Variants in CNTLN observed in about 807,000 individuals in gnomAD.
CNTLN encodes the protein centlein, centrosomal protein.
Under a neutral mutation model 180.0 loss-of-function variants are expected in CNTLN, and 212 were observed. The ratio of observed to expected loss-of-function variants is 1.18; its 90% confidence interval spans 1.05 to 1.32. CNTLN has a LOEUF of 1.32. CNTLN is among the 40% of genes most tolerant of loss of function. The pLI, the probability that CNTLN is intolerant of heterozygous loss-of-function variation, is 0.00. For synonymous variants in CNTLN, 722 were observed against 563.1 expected (o/e 1.28, Z -3.99); for missense variants, 2,095 against 1,610.9 (o/e 1.30, Z -5.14).
At chr9:17,235,527 TGTG>T (rs1825088540) in intron 3 of CNTLN, 128 bp from the exon 4 acceptor site, 16 of 694,640 alleles carry the variant, frequency 2.3e-5, no homozygotes, top group Non-Finnish European at 3.7e-5. Context: ...AGATGAGAAT[TGTG>T]GTGACAGACA....
At chr9:17,148,915 AC>A (rs1401242783) in intron 2 of CNTLN, among the ~76,000 whole-genome samples, 1 of 152,108 alleles carries the variant, frequency 6.6e-6, no homozygotes, top group Non-Finnish European at 1.5e-5. Context: ...GGTTTGCTGC[AC>A]CCATCAACCT....
At chr9:17,423,793 C>T (rs1828893623) in intron 18 of CNTLN, among the ~76,000 whole-genome samples, 1 of 152,080 alleles carries the variant, frequency 6.6e-6, no homozygotes, top group Non-Finnish European at 1.5e-5. Flanking sequence ...AGAATTCCGC[C>T]TTGTGTTGTG....
chr9:17,388,987 A>AT (rs1825897176), intron 14 of CNTLN, among the ~76,000 whole-genome samples: 2 of 151,970 alleles, frequency 1.3e-5, no homozygotes, highest in Admixed American at 1.3e-4. Context: ...TGTGATTGTC[A>AT]TTTGGCTACA....
the CNTLN span, among the ~76,000 whole-genome samples, chr9:17,522,447 G>A: frequency 2.0e-5 from 3 of 152,122 alleles, no homozygotes; most frequent in Non-Finnish European, 4.4e-5. Context: ...TTACTGCTAT[G>A]CCATCCTGAC....
chr9:17,266,540 G>T (rs1160070385), intron 5 of CNTLN, among the ~76,000 whole-genome samples: 4 of 152,240 alleles, frequency 2.6e-5, no homozygotes, highest in African/African-American at 9.6e-5. Flanking sequence ...GAGTTCTGTA[G>T]ATGTCTATTA....
At chr9:17,137,554 A>G (rs1192942490) in intron 1 of CNTLN, among the ~76,000 whole-genome samples, 1 of 152,198 alleles carries the variant, frequency 6.6e-6, no homozygotes, top group African/African-American at 2.4e-5. Flanking sequence ...GAAAGAATAC[A>G]TGCCCTAATA....
chr9:17,138,008 G>C (rs1238174062), intron 1 of CNTLN, among the ~76,000 whole-genome samples: 1 of 152,118 alleles, frequency 6.6e-6, no homozygotes, highest in African/African-American at 2.4e-5. Context: ...ATCTGTATTG[G>C]ACTTACTGAG....
intron 2 of CNTLN, among the ~76,000 whole-genome samples, chr9:17,197,664 A>G (rs1288944988): frequency 6.6e-6 from 1 of 152,126 alleles, no homozygotes; most frequent in Non-Finnish European, 1.5e-5. Flanking sequence ...GTTTGCAGAT[A>G]TTGTCTCCTA....
intron 12 of CNTLN, among the ~76,000 whole-genome samples, chr9:17,343,068 TG>T (rs1339107154): frequency 6.6e-6 from 1 of 152,244 alleles, no homozygotes; most frequent in Non-Finnish European, 1.5e-5. Context: ...GGCTTACTGC[TG>T]ATTTTTCCAC....
chr9:17,418,522 G>A (rs1032544169), intron 18 of CNTLN, among the ~76,000 whole-genome samples: 3 of 151,964 alleles, frequency 2.0e-5, no homozygotes, highest in African/African-American at 7.2e-5. Context: ...GAGGATTTGG[G>A]TAGTATCTGT....
chr9:17,272,918 CCT>C (rs1156277287), intron 5 of CNTLN, among the ~76,000 whole-genome samples: 2 of 151,992 alleles, frequency 1.3e-5, no homozygotes, highest in African/African-American at 2.4e-5. Flanking sequence ...TATTTTCTCC[CCT>C]CTGTCTTCCT....
At chr9:17,516,361 G>A in the CNTLN span, among the ~76,000 whole-genome samples, 3 of 152,122 alleles carry the variant, frequency 2.0e-5, no homozygotes, top group Non-Finnish European at 4.4e-5. Context: ...TGTGGCTGAC[G>A]CTCCTGTAAC....
intron 21 of CNTLN, 145 bp from the exon 22 acceptor site, chr9:17,465,836 G>C (rs776266388): frequency 1.5e-4 from 95 of 623,606 alleles, no homozygotes; most frequent in Non-Finnish European, 2.4e-4. Flanking sequence ...TATGAGTTCT[G>C]TAAGTATAAT....
the CNTLN span, among the ~76,000 whole-genome samples, chr9:17,518,036 C>CTTTTTTTTTTTTTTTTTTTTTTTTT: frequency 1.4e-5 from 1 of 69,232 alleles, no homozygotes; most frequent in Non-Finnish European, 2.4e-5. Context: ...TTTTCTTTTC[C>CTTTTTTTTTTTTTTTTTTTTTTTTT]TTTTTTTTTT....
intron 2 of CNTLN, among the ~76,000 whole-genome samples, chr9:17,146,189 A>G (rs1257332906): frequency 6.6e-6 from 1 of 152,112 alleles, no homozygotes; most frequent in Admixed American, 6.5e-5. Context: ...TTTTCTTTTC[A>G]TTGATAAAAT....
chr9:17,213,794 C>A (rs1226350238), intron 2 of CNTLN, among the ~76,000 whole-genome samples: 3 of 152,046 alleles, frequency 2.0e-5, no homozygotes, highest in Admixed American at 2.0e-4. Context: ...TGAATTGATC[C>A]CTTTACCATT....
chr9:17,147,267 ACT>A (rs1818519681), intron 2 of CNTLN, among the ~76,000 whole-genome samples: 1 of 152,146 alleles, frequency 6.6e-6, no homozygotes, highest in African/African-American at 2.4e-5. Context: ...CTTGCCCAAC[ACT>A]CTGAGTAGGG....
intron 12 of CNTLN, among the ~76,000 whole-genome samples, chr9:17,361,466 A>G (rs1298556654): frequency 3.9e-5 from 6 of 152,198 alleles, no homozygotes; most frequent in Non-Finnish European, 5.9e-5. Context: ...TATTCTGGGA[A>G]TATTCTGTTT....
intron 18 of CNTLN, among the ~76,000 whole-genome samples, chr9:17,453,719 G>T (rs1564119699): frequency 6.6e-6 from 1 of 152,152 alleles, no homozygotes; most frequent in African/African-American, 2.4e-5. Context: ...TTACTTGTGG[G>T]TATAGGACTG....
Sources: allele counts gnomAD v4.1 joint callset (sites outside exome capture counted in the v4.1 genomes callset), GRCh38; gene constraint gnomAD v4.1.1; transcripts MANE v1.5; gene names NCBI Gene and HGNC (gene_info 2026-07-23, HGNC 2026-07-21).